The following P2RY12 variants were observed in gnomAD, a reference collection of about 807,000 sequenced individuals.
The protein encoded by P2RY12 is purinergic receptor P2Y12.
Under a neutral mutation model 4.5 loss-of-function variants are expected in P2RY12, and 3 were observed. The ratio of observed to expected loss-of-function variants is 0.67; its 90% CI spans 0.31 to 1.74. The LOEUF (loss-of-function observed/expected upper bound fraction) is 1.74. Ranked by LOEUF, P2RY12 falls within the 40% of genes most tolerant of loss-of-function variation. P2RY12 has a pLI of 0.09. For synonymous variants in P2RY12, 148 were observed against 154.1 expected (o/e 0.96, Z 0.29); for missense variants, 356 against 407.8 (o/e 0.87, Z 1.09).
intron 1 of P2RY12, chr3:151,367,575 C>T (rs16863339): frequency 7.8e-6 from 11 of 1,410,476 alleles, no homozygotes; most frequent in African/African-American, 2.9e-5. Context: ...CCTGCATTCT[C>T]TTAGTTATTA....
rs1755526574 is a variant in P2RY12, at chr3:151,368,194, C to T, written c.-180+16498G>A. On this transcript the variant is annotated intron_variant, in intron 1 of 2. Coordinates refer to ENST00000302632, the MANE Select transcript of P2RY12 (RefSeq NM_022788.5). ...CGAGCCTGGGGCGAGAATGACATGC[C>T]GACTCTTGCTTCATCTCTTCCGAGC... 6.2e-7 allele frequency: 1 copy of T among 1,614,038 alleles called. No individual in the cohort carries two copies. The highest frequency in any genetic ancestry group is 8.5e-7 in the Non-Finnish European group (1 of 1,179,974).
At chr3:151,353,414 T>A (rs1176260423) in intron 1 of P2RY12, among the ~76,000 whole-genome samples, 1 of 152,194 alleles carries the variant, frequency 6.6e-6, no homozygotes, top group African/African-American at 2.4e-5. Flanking sequence ...ATTGAAAAAA[T>A]AAGCAGGTTT....
intron 1 of P2RY12, among the ~76,000 whole-genome samples, chr3:151,355,517 A>G (rs1012638521): frequency 2.0e-5 from 3 of 152,200 alleles, no homozygotes; most frequent in Non-Finnish European, 4.4e-5. Context: ...GTTTGGTCCT[A>G]TATTGCAATT....
At chr3:151,352,208 C>T (rs1032766581) in intron 1 of P2RY12, among the ~76,000 whole-genome samples, 1 of 152,038 alleles carries the variant, frequency 6.6e-6, no homozygotes, top group Admixed American at 6.6e-5. Context: ...TTGACTGTGA[C>T]CTGTTATGTG....
intron 1 of P2RY12, chr3:151,377,310 TATTA>T: frequency 1.4e-6 from 1 of 699,728 alleles, no homozygotes; most frequent in East Asian, 2.7e-5. Context: ...CAGGGATTAT[TATTA>T]ATAAGTTAAT....
rs765604897 is a variant in P2RY12 at position 151,338,385 on chromosome 3, A to G, written c.461T>C (p.Leu154Ser). The change falls in exon 3 of 3, where the codon TTA (leucine) becomes TCA (serine). Residue 154 changes from leucine to serine, a missense_variant. Physicochemically the swap from Leu to Ser is moderately radical, Grantham distance 145 (BLOSUM62 -2). Transcript: ENST00000302632. ...LSVVIWAFMF[L>S]LSLPNMILTN... ...CAGAATCATGTTAGGCAAAGAGAGTAAGAACATGAATGCCCAGATGACAAC... is the reference window on the plus strand; with the variant it reads ...CAGAATCATGTTAGGCAAAGAGAGTGAGAACATGAATGCCCAGATGACAAC... 5.0e-6 allele frequency: 8 copies of G among 1,614,148 alleles called. No individual in the cohort carries two copies. The highest frequency in any genetic ancestry group is 6.8e-6 in the Non-Finnish European group (8 of 1,180,016).
At chr3:151,367,630 A>G (rs1755447185) in intron 1 of P2RY12, 1 of 1,596,358 alleles carries the variant, frequency 6.3e-7, no homozygotes, top group African/African-American at 1.3e-5. Context: ...AAAACCTGTC[A>G]ATGTTTTTCT....
intron 1 of P2RY12, among the ~76,000 whole-genome samples, chr3:151,352,822 C>T (rs1443553460): frequency 6.6e-6 from 1 of 151,798 alleles, no homozygotes; most frequent in African/African-American, 2.4e-5. Flanking sequence ...ACTATGACAA[C>T]CTTTAAGAGG....
At chr3:151,341,582 TTA>T (rs1163515530) in intron 1 of P2RY12, among the ~76,000 whole-genome samples, 2 of 146,464 alleles carry the variant, frequency 1.4e-5, no homozygotes, top group African/African-American at 5.5e-5. Context: ...TTTTTTAATT[TTA>T]TTATTATTAT....
chr3:151,378,594 A>G (rs1711645857), intron 1 of P2RY12, among the ~76,000 whole-genome samples: 2 of 152,076 alleles, frequency 1.3e-5, no homozygotes, highest in African/African-American at 4.8e-5. Context: ...TTTAACATTT[A>G]GGGCTCCTGT....
intron 1 of P2RY12, among the ~76,000 whole-genome samples, chr3:151,383,249 G>A (rs1158294811): frequency 1.3e-5 from 2 of 152,188 alleles, no homozygotes; most frequent in Non-Finnish European, 2.9e-5. Flanking sequence ...CCCCTCTGGA[G>A]GATGGCCTGC....
At chr3:151,372,648 A>G (rs1373321444) in intron 1 of P2RY12, 22 of 1,613,788 alleles carry the variant, frequency 1.4e-5, no homozygotes, top group Non-Finnish European at 1.8e-5. Flanking sequence ...TGTGATGGGA[A>G]TGCTGATGAT....
intron 1 of P2RY12, chr3:151,360,473 G>C (rs1560075353): frequency 6.2e-7 from 1 of 1,611,360 alleles, no homozygotes; most frequent in Non-Finnish European, 8.5e-7. Context: ...TTTCTCCTCA[G>C]GTTGTGTGGT....
intron 1 of P2RY12, among the ~76,000 whole-genome samples, chr3:151,366,606 T>G (rs1394602940): frequency 6.6e-6 from 1 of 152,220 alleles, no homozygotes; most frequent in Non-Finnish European, 1.5e-5. Context: ...CTTCTCCTGT[T>G]GCCACTTATT....
At chr3:151,380,027 A>G in intron 1 of P2RY12, 2 of 817,304 alleles carry the variant, frequency 2.4e-6, no homozygotes, top group Non-Finnish European at 3.9e-6. Flanking sequence ...TATTTATCTA[A>G]TAGTGAGGCA....
rs113870797 is a variant in P2RY12, at chr3:151,356,046, A to G, written c.-179-15286T>C. 0.01 allele frequency: 16,509 copies of G among 1,603,770 alleles called. 129 individuals carry two copies. Among genetic ancestry groups the G allele is most frequent in the South Asian group, 0.023 (2,059 of 88,822 alleles). On this transcript the variant is annotated intron_variant, in intron 1 of 2. Transcript: ENST00000302632. ...AATTGACTTCGCAATACAGGTGTCA[A>G]AGAGACCATGTTTCTCTTACTTTTA...
chr3:151,357,603 C>T (rs1754085420), intron 1 of P2RY12, among the ~76,000 whole-genome samples: 2 of 152,150 alleles, frequency 1.3e-5, no homozygotes, highest in Non-Finnish European at 2.9e-5. Flanking sequence ...TGCCTTTCTT[C>T]CCTCTCCCTG....
At chr3:151,343,997 T>C (rs1752229368) in intron 1 of P2RY12, among the ~76,000 whole-genome samples, 1 of 152,212 alleles carries the variant, frequency 6.6e-6, no homozygotes, top group South Asian at 2.1e-4. Flanking sequence ...CATAGTCATG[T>C]CTGCTAGCTT....
chr3:151,347,198 C>T (rs898218921), intron 1 of P2RY12, among the ~76,000 whole-genome samples: 3 of 152,102 alleles, frequency 2.0e-5, no homozygotes, highest in Non-Finnish European at 4.4e-5. Flanking sequence ...TCATTTTTCT[C>T]AACACTTAAT....
Sources: allele counts gnomAD v4.1 joint callset (sites outside exome capture counted in the v4.1 genomes callset), GRCh38; gene constraint gnomAD v4.1.1; transcripts MANE v1.5; gene names NCBI Gene and HGNC (gene_info 2026-07-23, HGNC 2026-07-21).